The following MGLL variants were observed in gnomAD, a reference collection of about 807,000 sequenced individuals.
MGLL encodes monoglyceride lipase.
In MGLL, 7 loss-of-function variants were observed where a neutral mutation model predicts 29.1. The ratio of observed to expected loss-of-function variants is 0.24; its 90% CI spans 0.14 to 0.45. The LOEUF (loss-of-function observed/expected upper bound fraction) is 0.45, where lower values mean the gene tolerates loss of function less well. Among genes scored for constraint, MGLL ranks in the 20% least tolerant of loss-of-function variants. The pLI is 0.99. For synonymous variants in MGLL, 148 were observed against 168.3 expected, an observed-to-expected ratio of 0.88 and a Z score of 0.93; for missense variants, 356 against 413.6, an observed-to-expected ratio of 0.86 and a Z score of 1.21.
intron 6 of MGLL, among the ~76,000 whole-genome samples, chr3:127,707,787 C>T (rs907401421): frequency 6.6e-6 from 1 of 152,200 alleles, no homozygotes; most frequent in Non-Finnish European, 1.5e-5. Context: ...TTCCTGAAGG[C>T]TTCACACATG....
chr3:127,708,509 G>A (rs1294849412), intron 6 of MGLL, among the ~76,000 whole-genome samples: 1 of 152,232 alleles, frequency 6.6e-6, no homozygotes, highest in African/African-American at 2.4e-5. Context: ...TTGCAAAAAG[G>A]AGAGAAAAGA....
In MGLL at chr3:127,769,637, G is replaced by A. The variant is rs149947089; in HGVS notation, c.262+12152C>T. ...GTACTGGACCCTGAGCTGCCAGCCC[G>A]GGTGGCTTAGCCCTGAGGGACTGAA... On this transcript the variant is annotated intron_variant, in intron 3 of 7. Coordinates refer to ENST00000265052, the MANE Select transcript of MGLL (RefSeq NM_007283.7). 2.4e-3 allele frequency among the ~76,000 whole-genome samples: 372 copies of A among 152,332 alleles called. 1 individual carries two copies. The highest frequency in any genetic ancestry group is 0.017 in the Middle Eastern group (5 of 292).
At chr3:127,732,297 C>A (rs1169644975) in intron 3 of MGLL, among the ~76,000 whole-genome samples, 1 of 152,224 alleles carries the variant, frequency 6.6e-6, no homozygotes, top group Admixed American at 6.5e-5. Flanking sequence ...TTGTTCCCCA[C>A]AAGCTTGTGA....
chr3:127,804,976 G>A (rs549688478), intron 2 of MGLL, among the ~76,000 whole-genome samples: 1 of 152,314 alleles, frequency 6.6e-6, no homozygotes, highest in East Asian at 1.9e-4. Flanking sequence ...GCCATTCTAT[G>A]GGAACACAGG....
At chr3:127,712,904 G>A (rs1036795200) in intron 5 of MGLL, 2 of 152,208 alleles carry the variant, frequency 1.3e-5, no homozygotes, top group African/African-American at 4.8e-5. Flanking sequence ...CCAAGAATTG[G>A]GAGCTCGTCT....
intron 3 of MGLL, among the ~76,000 whole-genome samples, chr3:127,724,638 G>A (rs915381921): frequency 3.3e-5 from 5 of 152,124 alleles, no homozygotes; most frequent in African/African-American, 4.8e-5. Context: ...GCATGACCCC[G>A]CATTTCCATG....
chr3:127,805,708 T>C (rs114112576), intron 2 of MGLL, among the ~76,000 whole-genome samples: 2,242 of 152,338 alleles, frequency 0.015, 52 homozygotes, highest in South Asian at 0.059. Flanking sequence ...GCAAACAGAC[T>C]TGGGTTCAAA....
chr3:127,790,412 CA>C (rs2077280262), intron 2 of MGLL, among the ~76,000 whole-genome samples: 1 of 152,174 alleles, frequency 6.6e-6, no homozygotes, highest in Admixed American at 6.5e-5. Context: ...TAAAAATGCA[CA>C]CATGCCAAGC....
chr3:127,793,662 A>T (rs963059219), intron 2 of MGLL, among the ~76,000 whole-genome samples: 1 of 152,122 alleles, frequency 6.6e-6, no homozygotes, highest in African/African-American at 2.4e-5. Flanking sequence ...CCCGGGTTGA[A>T]GTGATTGTCC....
chr3:127,714,444 G>A (rs529818115), intron 5 of MGLL, among the ~76,000 whole-genome samples: 15 of 152,366 alleles, frequency 9.8e-5, no homozygotes, highest in African/African-American at 3.6e-4. Flanking sequence ...GCAGGTTCAG[G>A]ATGAGGGAAT....
At chr3:127,708,518 G>T (rs997305480) in intron 6 of MGLL, among the ~76,000 whole-genome samples, 2 of 152,210 alleles carry the variant, frequency 1.3e-5, no homozygotes, top group East Asian at 1.9e-4. Flanking sequence ...GGAGAGAAAA[G>T]ATCTGAAATT....
intron 6 of MGLL, among the ~76,000 whole-genome samples, chr3:127,697,618 T>A (rs1291837995): frequency 6.6e-6 from 1 of 152,196 alleles, no homozygotes; most frequent in Non-Finnish European, 1.5e-5. Context: ...CAGCTAGGTG[T>A]GGTCACATGA....
Position 127,811,216 on chromosome 3 carries a change from G to A in MGLL, c.155+10478C>T, listed in dbSNP as rs555019563. On this transcript the variant is annotated intron_variant, in intron 2 of 7. Transcript: ENST00000265052. ...ATCCCACTGTAAATATGAGGAACTTGAATCATCCATGCAACAAACGTGTTT... is the reference window on the plus strand; with the variant it reads ...ATCCCACTGTAAATATGAGGAACTTAAATCATCCATGCAACAAACGTGTTT... 2.2e-5 allele frequency among the ~76,000 whole-genome samples: 3 copies of A among 136,266 alleles called. 1 individual carries two copies. Among genetic ancestry groups the A allele is most frequent in the African/African-American group, 1.1e-4 (3 of 26,758 alleles). The allele number at this position is 136,266 out of a possible 152,430, so 89.4% of individuals were successfully genotyped here. A position where few individuals can be genotyped will look rare whatever the true frequency, so the allele number is the denominator to read the frequency against.
At chr3:127,777,718 G>A (rs1278947022) in intron 3 of MGLL, among the ~76,000 whole-genome samples, 5 of 132,094 alleles carry the variant, frequency 3.8e-5, no homozygotes, top group Non-Finnish European at 6.9e-5. Flanking sequence ...CACGTGCCCT[G>A]GAAGAAGACA....
chr3:127,755,879 C>T (rs2107676007), intron 3 of MGLL, among the ~76,000 whole-genome samples: 1 of 152,266 alleles, frequency 6.6e-6, no homozygotes, highest in African/African-American at 2.4e-5. Flanking sequence ...ACCCAATATC[C>T]ACTCTCTCTT....
chr3:127,718,763 GGA>G (rs1420880149), intron 5 of MGLL, among the ~76,000 whole-genome samples: 2 of 152,072 alleles, frequency 1.3e-5, no homozygotes, highest in Non-Finnish European at 1.5e-5. Flanking sequence ...ACGCCAACCG[GGA>G]GAGAGACTCT....
At chr3:127,725,148 T>A (rs897109079) in intron 3 of MGLL, among the ~76,000 whole-genome samples, 2 of 152,038 alleles carry the variant, frequency 1.3e-5, no homozygotes, top group African/African-American at 4.8e-5. Context: ...CTTTACCCCA[T>A]CCTCTTCCGA....
intron 2 of MGLL, among the ~76,000 whole-genome samples, chr3:127,819,379 T>C (rs2077817104): frequency 1.3e-5 from 2 of 152,074 alleles, no homozygotes; most frequent in African/African-American, 4.8e-5. Flanking sequence ...TAATAAGATA[T>C]CCACAGGCCC....
At chr3:127,758,066 T>C (rs1400164164) in intron 3 of MGLL, among the ~76,000 whole-genome samples, 1 of 152,144 alleles carries the variant, frequency 6.6e-6, no homozygotes, top group East Asian at 1.9e-4. Context: ...TCCTCTCACC[T>C]CACCTCCTGT....
Sources: allele counts gnomAD v4.1 joint callset (sites outside exome capture counted in the v4.1 genomes callset), GRCh38; gene constraint gnomAD v4.1.1; transcripts MANE v1.5; gene names NCBI Gene and HGNC (gene_info 2026-07-23, HGNC 2026-07-21).